Variants in FOXP1 observed in about 807,000 individuals in gnomAD.
FOXP1 encodes the protein forkhead box protein P1.
FOXP1 carries 15 observed loss-of-function variants against 98.2 expected under a neutral mutation model. The ratio of observed to expected loss-of-function variants is 0.15; its 90% CI spans 0.10 to 0.24. The LOEUF is 0.24. FOXP1 is among the 10% of genes least tolerant of loss of function. The pLI is 1.00. For synonymous variants in FOXP1, 371 were observed against 314.5 expected, an observed-to-expected ratio of 1.18 and a Z score of -1.90; for missense variants, 633 against 848.5, an observed-to-expected ratio of 0.75 and a Z score of 3.15.
intron 3 of FOXP1, among the ~76,000 whole-genome samples, chr3:71,412,251 G>C (rs1206052249): frequency 6.6e-6 from 1 of 152,136 alleles, no homozygotes; most frequent in Non-Finnish European, 1.5e-5. Context: ...AATGTGTCTT[G>C]GTCTCAGATG....
intron 12 of FOXP1, among the ~76,000 whole-genome samples, chr3:71,004,702 A>G (rs1425639429): frequency 1.3e-5 from 2 of 152,196 alleles, no homozygotes; most frequent in Non-Finnish European, 2.9e-5. Context: ...TAAAACATGC[A>G]GCAAAAGAAA....
rs772816590 is a variant in FOXP1 at position 70,965,891 on chromosome 3, C to A, written c.1888G>T (p.Val630Leu). 5.0e-6 allele frequency: 8 copies of A among 1,613,714 alleles called. No homozygotes were observed. The highest frequency in any genetic ancestry group is 1.3e-5 in the African/African-American group (1 of 74,884). The change falls in exon 20 of 21, where the codon GTG (valine) becomes TTG (leucine). Residue 630 changes from valine to leucine, a missense_variant and splice_region_variant. Transcript: ENST00000649528. ...SSPGRSPMQA[V>L]HPVHVKEEPL... Reference sequence around the variant, plus strand: ...ACCTGTTGGGTGGACAATACTCACACGGCTTGCATAGGAGATCTGCCTGGA... The same window carrying A: ...ACCTGTTGGGTGGACAATACTCACAAGGCTTGCATAGGAGATCTGCCTGGA...
Position 70,958,285 on chromosome 3 carries a change from C to A in FOXP1, c.*962G>T, listed in dbSNP as rs988631959. The A allele has an allele frequency of 5.6e-6, 3 of 534,906 alleles. No homozygotes were observed. The highest frequency in any genetic ancestry group is 1.1e-5 in the Non-Finnish European group (3 of 276,052). The allele number at this position is 534,906 out of a possible 1,614,324, so 33.1% of individuals were successfully genotyped here. On this transcript the variant is annotated 3_prime_UTR_variant, in exon 21 of 21. Coordinates refer to ENST00000649528, the MANE Select transcript of FOXP1 (RefSeq NM_001349338.3). Reference sequence around the variant, plus strand: ...CCCAATACTGCTGCGTGGAATGAATCGGCATTGTTCCTAGAGTTTGTCTCT... The same window carrying A: ...CCCAATACTGCTGCGTGGAATGAATAGGCATTGTTCCTAGAGTTTGTCTCT...
chr3:71,375,948 G>A (rs1162348181), intron 3 of FOXP1, among the ~76,000 whole-genome samples: 2 of 152,158 alleles, frequency 1.3e-5, no homozygotes, highest in African/African-American at 2.4e-5. Flanking sequence ...GGTAGGGATG[G>A]AGACATAAAG....
chr3:71,007,623 G>C (rs1005303720), intron 12 of FOXP1, among the ~76,000 whole-genome samples: 1 of 152,114 alleles, frequency 6.6e-6, no homozygotes, highest in Non-Finnish European at 1.5e-5. Flanking sequence ...CCTCTTTGTC[G>C]AGGCTTTCTT....
Position 70,982,173 on chromosome 3 carries a change from A to C in FOXP1, c.1147-4144T>G, listed in dbSNP as rs570572451. Among the ~76,000 whole-genome samples the C allele has an allele frequency of 1.3e-3, 196 of 148,990 alleles. 1 individual carries two copies. Among genetic ancestry groups the C allele is most frequent in the African/African-American group, 4.3e-3 (176 of 41,286 alleles). The stretch of plus-strand genomic sequence containing the variant: ...CTCTTTGAAAAAAGAGTGCCCCCCC[A>C]AAAAAAATTAATTACAGACTTAGAA... On this transcript the variant is annotated intron_variant, in intron 14 of 20. Coordinates refer to ENST00000649528, the MANE Select transcript of FOXP1 (RefSeq NM_001349338.3).
intron 6 of FOXP1, among the ~76,000 whole-genome samples, chr3:71,175,323 C>A (rs919406208): frequency 6.6e-6 from 1 of 152,178 alleles, no homozygotes; most frequent in Non-Finnish European, 1.5e-5. Flanking sequence ...ACTTCTTTGG[C>A]CCATCAAGTG....
chr3:71,128,005 C>T (rs1355294410), intron 6 of FOXP1, among the ~76,000 whole-genome samples: 9 of 152,168 alleles, frequency 5.9e-5, no homozygotes, highest in Admixed American at 3.3e-4. Flanking sequence ...TCTGCTGCAC[C>T]GTTCCCTTAT....
At chr3:71,418,125 GT>G (rs2083359215) in intron 3 of FOXP1, among the ~76,000 whole-genome samples, 2 of 150,468 alleles carry the variant, frequency 1.3e-5, no homozygotes, top group Non-Finnish European at 2.9e-5. Flanking sequence ...GGGTGTGTGT[GT>G]GTGTGTGTGT....
At chr3:71,234,639 C>G (rs1380118358) in intron 5 of FOXP1, among the ~76,000 whole-genome samples, 1 of 152,182 alleles carries the variant, frequency 6.6e-6, no homozygotes, top group Non-Finnish European at 1.5e-5. Context: ...ATGTTTAGTG[C>G]AGATGAGTCT....
chr3:71,315,774 C>T (rs2075041090), intron 4 of FOXP1, among the ~76,000 whole-genome samples: 1 of 152,162 alleles, frequency 6.6e-6, no homozygotes, highest in Non-Finnish European at 1.5e-5. Context: ...GAGGAGGATC[C>T]TGTGAACAGC....
chr3:71,422,620 GA>G (rs1248697116), intron 3 of FOXP1, among the ~76,000 whole-genome samples: 1 of 152,198 alleles, frequency 6.6e-6, no homozygotes, highest in African/African-American at 2.4e-5. Flanking sequence ...GAAGTGTGGG[GA>G]AATAATCGAA....
At chr3:71,072,014 A>AAATTGTATT (rs1208065893) in intron 7 of FOXP1, among the ~76,000 whole-genome samples, 2 of 152,148 alleles carry the variant, frequency 1.3e-5, no homozygotes, top group East Asian at 3.9e-4. Flanking sequence ...TACAATTAGG[A>AAATTGTATT]TCCTATGTAA....
At chr3:71,338,901 A>C (rs770471874) in intron 4 of FOXP1, among the ~76,000 whole-genome samples, 50 of 152,240 alleles carry the variant, frequency 3.3e-4, no homozygotes, top group Non-Finnish European at 6.3e-4. Flanking sequence ...ACACGCTAAG[A>C]AACACACTAG....
At chr3:71,148,615 C>A (rs1409333173) in intron 6 of FOXP1, among the ~76,000 whole-genome samples, 2 of 152,138 alleles carry the variant, frequency 1.3e-5, no homozygotes, top group Non-Finnish European at 2.9e-5. Context: ...CTGTCTTCTT[C>A]CTTTGACATA....
At chr3:71,453,159 C>T (rs542761162) in intron 3 of FOXP1, among the ~76,000 whole-genome samples, 3 of 152,156 alleles carry the variant, frequency 2.0e-5, no homozygotes, top group Non-Finnish European at 4.4e-5. Context: ...CCTATTCACA[C>T]TTGGTGATGT....
In FOXP1 at chr3:71,498,256, T is replaced by C. The variant is rs558715954; in HGVS notation, c.-297-4701A>G. Among the ~76,000 whole-genome samples, 19 of 152,278 alleles carry C rather than the reference T, an allele frequency of 1.2e-4. No individual in the cohort carries two copies. The South Asian group carries it at 3.5e-3, about 28-fold the overall frequency. The stretch of plus-strand genomic sequence containing the variant: ...GGCAGAAACAAAACAACAAGTGATG[T>C]TTTCTTGTTTTGTTCTCCCCTGTTT... On this transcript the variant is annotated intron_variant, in intron 2 of 20. Coordinates refer to ENST00000649528, the MANE Select transcript of FOXP1 (RefSeq NM_001349338.3).
chr3:71,180,535 T>C (rs1304557662), intron 6 of FOXP1, among the ~76,000 whole-genome samples: 1 of 152,184 alleles, frequency 6.6e-6, no homozygotes, highest in Non-Finnish European at 1.5e-5. Context: ...GCTGGCAGTG[T>C]CCTTCCTCTC....
At chr3:70,976,354 G>A (rs1484397840) in intron 17 of FOXP1, among the ~76,000 whole-genome samples, 3 of 152,018 alleles carry the variant, frequency 2.0e-5, no homozygotes, top group Non-Finnish European at 4.4e-5. Flanking sequence ...GTGCCTGGCC[G>A]ACAATCTCTT....
Sources: allele counts gnomAD v4.1 joint callset (sites outside exome capture counted in the v4.1 genomes callset), GRCh38; gene constraint gnomAD v4.1.1; transcripts MANE v1.5; gene names NCBI Gene and HGNC (gene_info 2026-07-23, HGNC 2026-07-21).